Variants in PDE1C observed in about 807,000 individuals in gnomAD.
PDE1C encodes the protein dual specificity calcium/calmodulin-dependent 3',5'-cyclic nucleotide phosphodiesterase 1C.
A neutral mutation model predicts 93.1 loss-of-function variants in PDE1C; 62 were observed. That is an observed-to-expected ratio of 0.67 (90% CI 0.54 to 0.82). The LOEUF (loss-of-function observed/expected upper bound fraction) is 0.82. Ranked by LOEUF, PDE1C falls within the 40% of genes least tolerant of loss-of-function variation. The pLI, the probability that PDE1C is intolerant of heterozygous loss-of-function variation, is 0.00. For missense variants in PDE1C, 742 were observed against 884.6 expected (o/e 0.84, Z 2.04); for synonymous variants, 325 against 310.1 (o/e 1.05, Z -0.50).
At chr7:31,642,564 G>C in the PDE1C span, 55 of 896,440 alleles carry the variant, frequency 6.1e-5, no homozygotes, top group Non-Finnish European at 8.8e-5. Flanking sequence ...TGCAAAACCT[G>C]ATGTTGCAAC....
At chr7:31,674,397 C>A in the PDE1C span, among the ~76,000 whole-genome samples, 1 of 152,030 alleles carries the variant, frequency 6.6e-6, no homozygotes, top group African/African-American at 2.4e-5. Context: ...TTCGACTTTT[C>A]TATATGCTTG....
chr7:32,417,068 C>T (rs1785289891), intron 1 of PDE1C, among the ~76,000 whole-genome samples: 1 of 152,130 alleles, frequency 6.6e-6, no homozygotes. Flanking sequence ...CTGCCACCTC[C>T]CTCAGAACAG....
chr7:31,692,622 G>A, the PDE1C span: 25 of 1,113,688 alleles, frequency 2.2e-5, no homozygotes, highest in South Asian at 1.1e-4. Flanking sequence ...GGCACCCCCC[G>A]AAACCTGATA....
At chr7:32,358,587 G>A (rs1025256862) in intron 1 of PDE1C, among the ~76,000 whole-genome samples, 2 of 152,126 alleles carry the variant, frequency 1.3e-5, no homozygotes, top group African/African-American at 4.8e-5. Context: ...AGCCTGCATG[G>A]ATAACTCTGC....
intron 15 of PDE1C, among the ~76,000 whole-genome samples, chr7:31,809,726 C>T (rs569558756): frequency 2.0e-5 from 3 of 152,118 alleles, no homozygotes; most frequent in Non-Finnish European, 4.4e-5. Context: ...TTTAGAAACA[C>T]GTGAAAATAT....
At chr7:31,634,001 A>T in the PDE1C span, among the ~76,000 whole-genome samples, 2 of 152,192 alleles carry the variant, frequency 1.3e-5, no homozygotes, top group Non-Finnish European at 1.5e-5. Flanking sequence ...AGACCAGCCC[A>T]GCCCAGAAAA....
At chr7:32,113,236 A>AATATATATATATATATATAT (rs35138046) in intron 3 of PDE1C, among the ~76,000 whole-genome samples, 1,051 of 93,636 alleles carry the variant, frequency 0.011, 20 homozygotes, top group African/African-American at 0.015. Flanking sequence ...ATTGTCCTTA[A>AATATATATATATATATATAT]ATATATATAT....
chr7:31,875,376 C>T (rs1394845950), intron 5 of PDE1C, among the ~76,000 whole-genome samples: 2 of 151,966 alleles, frequency 1.3e-5, no homozygotes, highest in Admixed American at 6.6e-5. Flanking sequence ...CTCTTTGGTC[C>T]CTCATGTTAG....
At chr7:31,642,255 C>G in the PDE1C span, 1 of 1,549,836 alleles carries the variant, frequency 6.5e-7, no homozygotes, top group Non-Finnish European at 8.7e-7. Context: ...CGCTGCCCCT[C>G]CAGGTAGGAG....
chr7:31,892,429 G>A (rs1798756674), intron 2 of PDE1C, among the ~76,000 whole-genome samples: 1 of 152,184 alleles, frequency 6.6e-6, no homozygotes, highest in Non-Finnish European at 1.5e-5. Flanking sequence ...AAGAATCCCA[G>A]TGACTTTACT....
intron 1 of PDE1C, among the ~76,000 whole-genome samples, chr7:32,224,387 G>A (rs1241144447): frequency 6.6e-6 from 1 of 151,918 alleles, no homozygotes; most frequent in African/African-American, 2.4e-5. Context: ...AAAAAAGACT[G>A]CAGGCTTTAG....
chr7:32,278,337 T>C (rs545943737), intron 1 of PDE1C, among the ~76,000 whole-genome samples: 4 of 152,062 alleles, frequency 2.6e-5, no homozygotes, highest in African/African-American at 7.2e-5. Flanking sequence ...AGACAAAGAC[T>C]GGAAAGTCAA....
chr7:31,805,393 A>T (rs888961871), intron 16 of PDE1C, among the ~76,000 whole-genome samples: 2 of 151,874 alleles, frequency 1.3e-5, no homozygotes, highest in Admixed American at 1.3e-4. Flanking sequence ...AAACCACAGA[A>T]AGTGAAACTG....
intron 2 of PDE1C, among the ~76,000 whole-genome samples, chr7:32,047,974 C>T (rs1386422475): frequency 1.3e-5 from 2 of 152,222 alleles, no homozygotes. Context: ...GTCCACATTG[C>T]TGTGTTTATT....
At chr7:32,152,683 CA>C (rs1801330723) in intron 3 of PDE1C, among the ~76,000 whole-genome samples, 1 of 152,162 alleles carries the variant, frequency 6.6e-6, no homozygotes, top group Non-Finnish European at 1.5e-5. Context: ...GGACTTATAT[CA>C]TAGCATTCCT....
chr7:31,651,276 A>G, the PDE1C span: 78 of 1,612,016 alleles, frequency 4.8e-5, no homozygotes, highest in African/African-American at 6.4e-4. Flanking sequence ...AAAGGTAATT[A>G]CCTAAGGGAG....
chr7:31,924,459 T>TG (rs1342193775), intron 2 of PDE1C, among the ~76,000 whole-genome samples: 2 of 152,236 alleles, frequency 1.3e-5, no homozygotes, highest in African/African-American at 4.8e-5. Flanking sequence ...GAATTCCAAC[T>TG]TCAGGGACAG....
At chr7:32,162,345 T>A (rs971885990) in intron 3 of PDE1C, among the ~76,000 whole-genome samples, 6 of 152,076 alleles carry the variant, frequency 3.9e-5, no homozygotes, top group Non-Finnish European at 8.8e-5. Flanking sequence ...CGTGCCAAGC[T>A]AGAAGTGATG....
chr7:31,864,544 A>G (rs1795053881), intron 7 of PDE1C, among the ~76,000 whole-genome samples: 1 of 152,224 alleles, frequency 6.6e-6, no homozygotes, highest in Admixed American at 6.5e-5. Context: ...CTTAAACCAA[A>G]AGCTAACTTT....
Sources: gnomAD v4.1 joint callset for allele counts (sites outside exome capture counted in the v4.1 genomes callset) on GRCh38, gnomAD v4.1.1 for gene constraint, MANE v1.5 for transcripts, NCBI Gene and HGNC (gene_info 2026-07-23, HGNC 2026-07-21) for gene names.